Variants in OSBPL6 observed in about 807,000 individuals in gnomAD.
OSBPL6 encodes the protein oxysterol-binding protein-related protein 6.
A neutral mutation model predicts 125.8 loss-of-function variants in OSBPL6; 49 were observed. The observed-to-expected ratio is 0.39, with a 90% CI of 0.31 to 0.49. OSBPL6 has a LOEUF of 0.49. Among genes scored for constraint, OSBPL6 ranks in the 20% least tolerant of loss-of-function variants. The probability of loss-of-function intolerance (pLI) is 0.88; values close to 1 mark genes in which losing one functional copy is unlikely to be tolerated. For synonymous variants in OSBPL6, 394 were observed against 391.8 expected, an observed-to-expected ratio of 1.01 and a Z score of -0.07; for missense variants, 986 against 1,135.4, an observed-to-expected ratio of 0.87 and a Z score of 1.89.
At chr2:178,258,342 C>T (rs1176796714) in intron 1 of OSBPL6, among the ~76,000 whole-genome samples, 7 of 152,224 alleles carry the variant, frequency 4.6e-5, no homozygotes, top group Admixed American at 2.6e-4. Flanking sequence ...GCGATCGGCC[C>T]GCCTCGGCCT....
intron 13 of OSBPL6, among the ~76,000 whole-genome samples, chr2:178,363,635 G>A (rs779179566): frequency 7.9e-5 from 12 of 152,080 alleles, no homozygotes; most frequent in Non-Finnish European, 7.4e-5. Context: ...GACAGCAGCC[G>A]CTCACAAGGA....
intron 2 of OSBPL6, among the ~76,000 whole-genome samples, chr2:178,305,180 A>G (rs1686649066): frequency 6.6e-6 from 1 of 152,206 alleles, no homozygotes; most frequent in African/African-American, 2.4e-5. Flanking sequence ...GTAAGAGGAT[A>G]AAGTTCACTT....
intron 1 of OSBPL6, among the ~76,000 whole-genome samples, chr2:178,248,763 C>A (rs1442555400): frequency 1.3e-5 from 2 of 151,700 alleles, no homozygotes; most frequent in African/African-American, 4.8e-5. Context: ...CTGTTTGTTC[C>A]ATTTCTGTTT....
chr2:178,385,930 A>G (rs1335245233), intron 19 of OSBPL6, among the ~76,000 whole-genome samples: 2 of 152,192 alleles, frequency 1.3e-5, no homozygotes, highest in African/African-American at 2.4e-5. Context: ...ATCTAAATAG[A>G]TATGCAAACA....
chr2:178,372,072 T>G, intron 13 of OSBPL6, 54 bp from the exon 14 acceptor site: 1 of 1,358,150 alleles, frequency 7.4e-7, no homozygotes, highest in Non-Finnish European at 1.0e-6. Context: ...ACTTGTTCTG[T>G]TTTATGCTTG....
intron 22 of OSBPL6, 44 bp from the exon 23 acceptor site, chr2:178,392,368 A>G (rs551853824): frequency 3.1e-6 from 5 of 1,608,572 alleles, no homozygotes; most frequent in South Asian, 1.1e-5. Flanking sequence ...TTCCAGTTCC[A>G]TAAACCTTCT....
intron 8 of OSBPL6, among the ~76,000 whole-genome samples, chr2:178,333,531 A>G (rs1023270547): frequency 6.6e-6 from 1 of 152,278 alleles, no homozygotes; most frequent in African/African-American, 2.4e-5. Flanking sequence ...GTTAATTGCA[A>G]GTATAAATTA....
At chr2:178,363,928 C>G (rs1387697469) in intron 13 of OSBPL6, among the ~76,000 whole-genome samples, 1 of 152,216 alleles carries the variant, frequency 6.6e-6, no homozygotes, top group Non-Finnish European at 1.5e-5. Context: ...GTCATCCCAG[C>G]ATTTTGGTGA....
At chr2:178,300,584 C>T (rs2154054719) in intron 2 of OSBPL6, among the ~76,000 whole-genome samples, 1 of 152,320 alleles carries the variant, frequency 6.6e-6, no homozygotes, top group African/African-American at 2.4e-5. Context: ...CCTCAGCCTC[C>T]CGAATAGCCG....
chr2:178,335,141 C>T (rs1363249328), intron 8 of OSBPL6, among the ~76,000 whole-genome samples: 1 of 151,988 alleles, frequency 6.6e-6, no homozygotes, highest in Non-Finnish European at 1.5e-5. Flanking sequence ...CAGCTTCTGC[C>T]TACATCACTG....
chr2:178,284,299 T>C (rs1684491415), intron 1 of OSBPL6, among the ~76,000 whole-genome samples: 1 of 152,202 alleles, frequency 6.6e-6, no homozygotes, highest in African/African-American at 2.4e-5. Flanking sequence ...CAGCCTGTAA[T>C]CCCAGCCCTT....
intron 14 of OSBPL6, 75 bp from the exon 15 acceptor site, chr2:178,373,815 A>G (rs1693627285): frequency 1.9e-6 from 3 of 1,558,154 alleles, no homozygotes; most frequent in Admixed American, 3.8e-5. Flanking sequence ...AAGAGTAGAA[A>G]TCTGGCTAAT....
At chr2:178,368,813 T>TTC (rs1693102176) in intron 13 of OSBPL6, among the ~76,000 whole-genome samples, 1 of 151,852 alleles carries the variant, frequency 6.6e-6, no homozygotes, top group Non-Finnish European at 1.5e-5. Flanking sequence ...CCTTTTTTTT[T>TTC]TTTGAGACAC....
chr2:178,321,481 A>G (rs2154071020), intron 3 of OSBPL6, among the ~76,000 whole-genome samples: 1 of 152,360 alleles, frequency 6.6e-6, no homozygotes, highest in African/African-American at 2.4e-5. Flanking sequence ...TGCTTGGTAT[A>G]TAATTACATA....
intron 1 of OSBPL6, among the ~76,000 whole-genome samples, chr2:178,227,953 A>G (rs1235381789): frequency 6.6e-6 from 1 of 152,172 alleles, no homozygotes; most frequent in East Asian, 1.9e-4. Flanking sequence ...GGCAGCCTTC[A>G]TGACCCACAT....
chr2:178,236,759 C>A (rs971237273), intron 1 of OSBPL6, among the ~76,000 whole-genome samples: 39 of 152,194 alleles, frequency 2.6e-4, no homozygotes, highest in African/African-American at 8.7e-4. Context: ...ATTGTCTTAA[C>A]CTTCATGATA....
intron 11 of OSBPL6, among the ~76,000 whole-genome samples, chr2:178,345,486 C>T (rs537570267): frequency 6.6e-6 from 1 of 152,270 alleles, no homozygotes; most frequent in Admixed American, 6.5e-5. Flanking sequence ...AGGGAAATGA[C>T]TCTTAAACTC....
intron 1 of OSBPL6, among the ~76,000 whole-genome samples, chr2:178,238,854 T>TC (rs1198890926): frequency 2.6e-5 from 4 of 152,216 alleles, no homozygotes; most frequent in African/African-American, 7.2e-5. Context: ...TGTAGGTACT[T>TC]CCCCCCAACT....
intron 1 of OSBPL6, among the ~76,000 whole-genome samples, chr2:178,204,028 T>TC (rs1354210852): frequency 1.3e-5 from 2 of 148,936 alleles, no homozygotes; most frequent in African/African-American, 4.9e-5. Context: ...TCTTTTTCTT[T>TC]TTTTTTTTTT....
Sources: allele counts gnomAD v4.1 joint callset (sites outside exome capture counted in the v4.1 genomes callset), GRCh38; gene constraint gnomAD v4.1.1; transcripts MANE v1.5; gene names NCBI Gene and HGNC (gene_info 2026-07-23, HGNC 2026-07-21).